ANOS1: variants seen among roughly 807,000 people sequenced by gnomAD.
ANOS1 encodes anosmin 1, also known as anosmin-1.
In ANOS1, 6 loss-of-function variants were observed where a neutral mutation model predicts 59.0. That is an observed-to-expected ratio of 0.10 (90% CI 0.06 to 0.20). The LOEUF is 0.20. ANOS1 is among the 10% of genes least tolerant of loss of function. The pLI is 1.00. For missense variants in ANOS1, 433 were observed against 542.3 expected, an observed-to-expected ratio of 0.80 and a Z score of 2.00; for synonymous variants, 217 against 223.4, an observed-to-expected ratio of 0.97 and a Z score of 0.25.
intron 6 of ANOS1, among the ~76,000 whole-genome samples, chrX:8,579,457 A>T (rs764854373): frequency 8.9e-6 from 1 of 112,665 alleles, no homozygotes; most frequent in Non-Finnish European, 1.9e-5. Flanking sequence ...GTAATGTGGG[A>T]ATTCCTTTCA....
intron 2 of ANOS1, among the ~76,000 whole-genome samples, chrX:8,649,321 G>A (rs761711027): frequency 1.7e-4 from 19 of 112,075 alleles, no homozygotes; most frequent in African/African-American, 4.5e-4. Context: ...TTTTACTGCT[G>A]AGGATTTTAT....
At chrX:8,633,312 G>A (rs1931520714) in intron 2 of ANOS1, among the ~76,000 whole-genome samples, 1 of 111,635 alleles carries the variant, frequency 9.0e-6, no homozygotes, top group Non-Finnish European at 1.9e-5. Context: ...ACAACAAAGG[G>A]AGTCCTTGGA....
intron 6 of ANOS1, among the ~76,000 whole-genome samples, chrX:8,572,274 A>T (rs1002760243): frequency 8.2e-5 from 9 of 110,369 alleles, no homozygotes; most frequent in Non-Finnish European, 1.7e-4. Flanking sequence ...GTTCTTCCTG[A>T]TGCTCTACCT....
At chrX:8,674,977 A>G (rs1932313637) in intron 2 of ANOS1, among the ~76,000 whole-genome samples, 1 of 111,470 alleles carries the variant, frequency 9.0e-6, no homozygotes, top group African/African-American at 3.3e-5. Flanking sequence ...TTCTTTCCAC[A>G]CAATCAACCT....
intron 1 of ANOS1, among the ~76,000 whole-genome samples, chrX:8,731,436 C>A (rs1932976006): frequency 9.0e-6 from 1 of 111,667 alleles, no homozygotes; most frequent in South Asian, 3.7e-4. Flanking sequence ...CTCCCAGACT[C>A]CCTCCCAGTG....
At position 8,535,571 on chromosome X, in the gene ANOS1, G is replaced by C; in HGVS notation, c.1842+20C>G. On this transcript the variant is annotated intron_variant, in intron 12 of 13. Coordinates refer to ENST00000262648, the MANE Select transcript of ANOS1 (RefSeq NM_000216.4). Reference sequence around the variant, plus strand: ...AGTAGATACCAATGACACAGACATAGTACAAGAGGTGGGACCTACGGAAGG... The same window carrying C: ...AGTAGATACCAATGACACAGACATACTACAAGAGGTGGGACCTACGGAAGG... 1 of 1,140,416 alleles carries C rather than the reference G, an allele frequency of 8.8e-7. No individual in the cohort carries two copies. The highest frequency in any genetic ancestry group is 1.2e-6 in the Non-Finnish European group (1 of 830,345). The allele number at this position is 1,140,416 out of a possible 1,213,427, so 94.0% of individuals were successfully genotyped here. A position where few individuals can be genotyped will look rare whatever the true frequency, so the allele number is the denominator to read the frequency against.
intron 2 of ANOS1, among the ~76,000 whole-genome samples, chrX:8,685,656 G>A (rs201103303): frequency 3.2e-5 from 3 of 92,637 alleles, no homozygotes; most frequent in Admixed American, 1.2e-4. Flanking sequence ...AAGAAAGAAA[G>A]AAAAAGAAAG....
chrX:8,704,701 T>C (rs1413031710), intron 1 of ANOS1, among the ~76,000 whole-genome samples: 1 of 112,406 alleles, frequency 8.9e-6, no homozygotes, highest in East Asian at 2.8e-4. Flanking sequence ...GAGGACAGCA[T>C]GTCATAGGCT....
intron 3 of ANOS1, among the ~76,000 whole-genome samples, chrX:8,618,145 C>A (rs1235785703): frequency 4.5e-5 from 5 of 112,227 alleles, no homozygotes; most frequent in African/African-American, 1.3e-4. Flanking sequence ...CATCTAACTT[C>A]TTCTAAGGAC....
intron 3 of ANOS1, among the ~76,000 whole-genome samples, chrX:8,599,905 G>A (rs756581569): frequency 4.5e-5 from 5 of 112,125 alleles, no homozygotes; most frequent in Non-Finnish European, 7.5e-5. Context: ...CTAGTGGGAG[G>A]TGGAAGGTTG....
intron 2 of ANOS1, among the ~76,000 whole-genome samples, chrX:8,673,375 G>A (rs945466448): frequency 9.3e-6 from 1 of 107,425 alleles, no homozygotes; most frequent in African/African-American, 3.4e-5. Flanking sequence ...GCAACATGAC[G>A]CTGCTTCCAA....
Position 8,731,923 on chromosome X carries a change from C to G in ANOS1, c.114G>C (p.Ser38=). 8.6e-7 allele frequency: 1 copy of G among 1,161,534 alleles called. No individual in the cohort carries two copies. The highest frequency in any genetic ancestry group is 1.9e-5 in the South Asian group (1 of 51,848). The stretch of plus-strand genomic sequence containing the variant: ...CGCGCTGGACGCTCCCGGCAGACAG[C>G]GACTCGTCCAGCCGCCGCGCAGCAG... ...GAAAARRLDE[S]LSAGSVQRAR... is the part of the protein sequence containing the mutation. Residue 38 remains serine (S), a synonymous_variant, in exon 1 of 14, where the codon TCG becomes TCC. Coordinates refer to ENST00000262648, the MANE Select transcript of ANOS1 (RefSeq NM_000216.4).
At chrX:8,613,384 A>AT (rs777165693) in intron 3 of ANOS1, among the ~76,000 whole-genome samples, 2 of 107,887 alleles carry the variant, frequency 1.9e-5, no homozygotes, top group Non-Finnish European at 3.8e-5. Flanking sequence ...TGTTTGGCTG[A>AT]TTTTTTTTAT....
chrX:8,702,337 C>T (rs970501709), intron 1 of ANOS1, among the ~76,000 whole-genome samples: 3 of 112,270 alleles, frequency 2.7e-5, no homozygotes, highest in African/African-American at 9.7e-5. Flanking sequence ...GAGGGCATAA[C>T]ATACCCTTTT....
intron 6 of ANOS1, among the ~76,000 whole-genome samples, chrX:8,582,523 G>A (rs1930444144): frequency 9.0e-6 from 1 of 111,693 alleles, no homozygotes; most frequent in Admixed American, 9.5e-5. Context: ...AAAATCCATT[G>A]TAAAGAACAT....
At chrX:8,685,577 G>GGAAA (rs1191432841) in intron 2 of ANOS1, among the ~76,000 whole-genome samples, 1 of 43,827 alleles carries the variant, frequency 2.3e-5, no homozygotes, top group Non-Finnish European at 4.1e-5. Flanking sequence ...AAGGAAGGAA[G>GGAAA]GAAAGAAAGA....
intron 3 of ANOS1, among the ~76,000 whole-genome samples, chrX:8,612,018 T>C (rs993697888): frequency 1.5e-4 from 17 of 111,923 alleles, no homozygotes; most frequent in African/African-American, 5.2e-4. Flanking sequence ...AATGTAGAAG[T>C]ATGATTTAGG....
At chrX:8,604,062 A>T (rs1930894259) in intron 3 of ANOS1, among the ~76,000 whole-genome samples, 1 of 111,610 alleles carries the variant, frequency 9.0e-6, no homozygotes. Flanking sequence ...CACAACTGTT[A>T]TTATTTCCAT....
At chrX:8,573,354 C>T (rs1020050760) in intron 6 of ANOS1, among the ~76,000 whole-genome samples, 5 of 111,016 alleles carry the variant, frequency 4.5e-5, no homozygotes, top group East Asian at 2.8e-4. Context: ...TGAGCCACCA[C>T]GCCTGGTCTC....
Sources: allele counts gnomAD v4.1 joint callset (sites outside exome capture counted in the v4.1 genomes callset), GRCh38; gene constraint gnomAD v4.1.1; transcripts MANE v1.5; gene names NCBI Gene and HGNC (gene_info 2026-07-23, HGNC 2026-07-21).